CHST13: variants seen among roughly 807,000 people sequenced by gnomAD.
The protein encoded by CHST13 is C4ST-3.
CHST13 carries 1 observed loss-of-function variant against 7.0 expected under a neutral mutation model. That is an observed-to-expected ratio of 0.14 (90% CI 0.05 to 0.68). The LOEUF is 0.68. Among genes scored for constraint, CHST13 ranks in the 30% least tolerant of loss-of-function variants. CHST13 has a pLI of 0.82. For synonymous variants in CHST13, 257 were observed against 240.9 expected, an observed-to-expected ratio of 1.07 and a Z score of -0.62; for missense variants, 572 against 507.9, an observed-to-expected ratio of 1.13 and a Z score of -1.21.
Position 126,524,290 on chromosome 3 carries a change from G to A in CHST13, c.-43G>A. 3 of 1,220,054 alleles carry A rather than the reference G, an allele frequency of 2.5e-6. No homozygotes were observed. The highest frequency in any genetic ancestry group is 3.2e-4 in the Middle Eastern group (1 of 3,096). 75.6% of individuals were successfully genotyped at this position (1,220,054 alleles called of 1,614,324 possible). ...CTGGGCCAGTGCAACTCCGCCCCCA[G>A]CCGTATCCAGCGGACTGTCCTCCGC... is the stretch of plus-strand genomic sequence containing the variant. On this transcript the variant is annotated 5_prime_UTR_variant, in exon 1 of 3. Coordinates refer to ENST00000319340, the MANE Select transcript of CHST13 (RefSeq NM_152889.3).
intron 1 of CHST13, among the ~76,000 whole-genome samples, chr3:126,531,168 C>T (rs1042386958): frequency 3.9e-5 from 6 of 152,276 alleles, no homozygotes; most frequent in African/African-American, 9.6e-5. Context: ...CGCAGCCTCA[C>T]CTGGAGCTGC....
intron 1 of CHST13, among the ~76,000 whole-genome samples, chr3:126,533,909 T>C (rs1936710645): frequency 6.6e-6 from 1 of 152,210 alleles, no homozygotes; most frequent in Non-Finnish European, 1.5e-5. Context: ...TTGTTATGGG[T>C]CTGCTGAGAT....
At chr3:126,539,805 CCA>C (rs1202628057) in intron 2 of CHST13, among the ~76,000 whole-genome samples, 1 of 73,710 alleles carries the variant, frequency 1.4e-5, no homozygotes, top group African/African-American at 7.3e-5. Context: ...AGACACCACA[CCA>C]CACACCACAA....
chr3:126,539,964 C>T (rs566086608), intron 2 of CHST13, among the ~76,000 whole-genome samples: 3 of 43,102 alleles, frequency 7.0e-5, no homozygotes, highest in Middle Eastern at 6.7e-3. Flanking sequence ...ACATGCCACA[C>T]ACACACAAAT....
chr3:126,542,763 T>C lies in CHST13; in HGVS notation c.*185T>C. 2 of 818,390 alleles carry C rather than the reference T, an allele frequency of 2.4e-6. No homozygotes were observed. Among genetic ancestry groups the C allele is most frequent in the Non-Finnish European group, 3.4e-6 (2 of 592,344 alleles). 50.7% of individuals were successfully genotyped at this position (818,390 alleles called of 1,614,324 possible). ...GGGGGCAGCCCATCTCAGGTGGCCCTGCACGCGTGTGCCTGCCTCGGCCTG... is the reference window on the plus strand; with the variant it reads ...GGGGGCAGCCCATCTCAGGTGGCCCCGCACGCGTGTGCCTGCCTCGGCCTG... On this transcript the variant is annotated 3_prime_UTR_variant, in exon 3 of 3. Transcript: ENST00000319340.
intron 1 of CHST13, among the ~76,000 whole-genome samples, chr3:126,526,736 G>A (rs1936544163): frequency 6.6e-6 from 1 of 152,244 alleles, no homozygotes; most frequent in Admixed American, 6.5e-5. Flanking sequence ...TCCCAGGGAG[G>A]AGGAGATTCC....
At chr3:126,534,540 A>T (rs942041742) in intron 1 of CHST13, among the ~76,000 whole-genome samples, 2 of 141,040 alleles carry the variant, frequency 1.4e-5, no homozygotes, top group Non-Finnish European at 3.1e-5. Flanking sequence ...CCAGGAGAAA[A>T]ACAGACAGCA....
chr3:126,533,582 C>T (rs76532098), intron 1 of CHST13, among the ~76,000 whole-genome samples: 2,138 of 152,268 alleles, frequency 0.014, 29 homozygotes, highest in Non-Finnish European at 0.019. Context: ...CCTACTTGGT[C>T]ATGGTGTATA....
chr3:126,536,170 G>A, intron 1 of CHST13, 101 bp from the exon 2 acceptor site: 1 of 904,084 alleles, frequency 1.1e-6, no homozygotes, highest in South Asian at 1.5e-5. Flanking sequence ...GAAATTGAGT[G>A]CCAGAGGTGG....
At position 126,542,361 on chromosome 3, in the gene CHST13, TG is replaced by T. The variant is rs1236386755; in HGVS notation, c.811del (p.Ala271ArgfsTer16). On this transcript the variant is annotated frameshift_variant, in exon 3 of 3. Transcript: ENST00000319340. LOFTEE classifies it low-confidence loss of function (END_TRUNC). ...GACGTCGTGGGCAAGTTCGAGACGC[TG>T]GCGGAGGACGCGGCCTTCGTGCTGG... is the stretch of plus-strand genomic sequence containing the variant. ...RYDVVGKFETLAEDAAFVLGL... is the reference protein window; with the variant it reads ...RYDVVGKFETXAEDAAFVLGL... The T allele has an allele frequency of 2.6e-6, 4 of 1,564,340 alleles. No individual in the cohort carries two copies. Among genetic ancestry groups the T allele is most frequent in the Non-Finnish European group, 2.6e-6 (3 of 1,156,832 alleles).
intron 2 of CHST13, among the ~76,000 whole-genome samples, chr3:126,537,041 G>T (rs1490749): frequency 0.12 from 17,561 of 152,122 alleles, 1,639 homozygotes; most frequent in African/African-American, 0.26. Context: ...TCCCCTAGTG[G>T]AGCCACCAGT....
intron 1 of CHST13, among the ~76,000 whole-genome samples, chr3:126,531,071 C>G (rs1936648870): frequency 6.6e-6 from 1 of 152,252 alleles, no homozygotes; most frequent in African/African-American, 2.4e-5. Context: ...TTCCACGAAC[C>G]TCTGTTTATT....
chr3:126,535,577 A>T (rs1936771616), intron 1 of CHST13, among the ~76,000 whole-genome samples: 2 of 80,290 alleles, frequency 2.5e-5, no homozygotes, highest in African/African-American at 9.8e-5. Flanking sequence ...GACAGACAGC[A>T]TCACTTTCCT....
chr3:126,542,075 G>A lies in CHST13; in HGVS notation c.523G>A (p.Glu175Lys), dbSNP rs1936971905. The change falls in exon 3 of 3, where the codon GAG (glutamate) becomes AAG (lysine). Residue 175 changes from glutamate to lysine, a missense_variant. By Grantham distance (56) the Glu-to-Lys change is moderately conservative. Coordinates refer to ENST00000319340, the MANE Select transcript of CHST13 (RefSeq NM_152889.3). ...CTACTTGGCCTTCCTGTTCGTGCGGGAGCCCTTCGAGCGCCTGGCATCGGC... is the reference window on the plus strand; with the variant it reads ...CTACTTGGCCTTCCTGTTCGTGCGGAAGCCCTTCGAGCGCCTGGCATCGGC... ...RAYLAFLFVR[E>K]PFERLASAYR... 1.3e-6 allele frequency: 2 copies of A among 1,583,706 alleles called. No homozygotes were observed. Among genetic ancestry groups the A allele is most frequent in the African/African-American group, 1.4e-5 (1 of 72,624 alleles).
chr3:126,535,033 C>CACAG (rs1355532067), intron 1 of CHST13, among the ~76,000 whole-genome samples: 1 of 21,344 alleles, frequency 4.7e-5, no homozygotes, highest in Admixed American at 6.4e-4. Flanking sequence ...CCAGGAGACA[C>CACAG]ACAGCATCGC....
At position 126,541,991 on chromosome 3, in the gene CHST13, GGCC is replaced by G. The variant is rs1342718268; in HGVS notation, c.443_445del (p.Arg148del). ...CTCCGCGCAAGAGGCGCACGCGCCT[GGCC>G]GCCTGCCCTCACTGGCCGACTTCAG... is the stretch of plus-strand genomic sequence containing the variant. On this transcript the variant is annotated inframe_deletion, in exon 3 of 3. Transcript: ENST00000319340. 12 of 1,564,214 alleles carry G rather than the reference GGCC, an allele frequency of 7.7e-6. No homozygotes were observed. The Admixed American group carries it at 2.2e-4, about 29-fold the overall frequency.
chr3:126,536,168 G>A (rs2107568206), intron 1 of CHST13, 103 bp from the exon 2 acceptor site: 2 of 879,522 alleles, frequency 2.3e-6, no homozygotes, highest in Admixed American at 2.0e-5. Flanking sequence ...AGGAAATTGA[G>A]TGCCAGAGGT....
At chr3:126,532,739 G>T (rs1274004134) in intron 1 of CHST13, among the ~76,000 whole-genome samples, 1 of 152,120 alleles carries the variant, frequency 6.6e-6, no homozygotes, top group Non-Finnish European at 1.5e-5. Flanking sequence ...GATTCTTTTG[G>T]ATATTCTGAA....
At chr3:126,538,985 G>A (rs1936862826) in intron 2 of CHST13, among the ~76,000 whole-genome samples, 1 of 152,180 alleles carries the variant, frequency 6.6e-6, no homozygotes, top group East Asian at 1.9e-4. Flanking sequence ...AGATCCCTGG[G>A]TGTCCTTCCA....
Sources: allele counts gnomAD v4.1 joint callset (sites outside exome capture counted in the v4.1 genomes callset), GRCh38; gene constraint gnomAD v4.1.1; transcripts MANE v1.5; gene names NCBI Gene and HGNC (gene_info 2026-07-23, HGNC 2026-07-21).